Variants in RBM42 observed in about 807,000 individuals in gnomAD.
The protein encoded by RBM42 is RNA binding motif protein 42.
Under a neutral mutation model 41.4 loss-of-function variants are expected in RBM42, and 21 were observed. That is an observed-to-expected ratio of 0.51 (90% CI 0.36 to 0.73). The LOEUF (loss-of-function observed/expected upper bound fraction) is 0.73. RBM42 is among the 30% of genes least tolerant of loss of function. The pLI is 0.00. For synonymous variants in RBM42, 272 were observed against 271.2 expected, an observed-to-expected ratio of 1.00 and a Z score of -0.03; for missense variants, 539 against 680.4, an observed-to-expected ratio of 0.79 and a Z score of 2.31.
intron 6 of RBM42, 88 bp downstream of exon 6, chr19:35,633,340 C>T: frequency 9.4e-7 from 1 of 1,069,014 alleles, no homozygotes; most frequent in South Asian, 1.5e-5. Flanking sequence ...CTGAGTTGGC[C>T]TCTCTCCTGA....
At chr19:35,634,458 A>C in intron 8 of RBM42, 85 bp downstream of exon 8, 12 of 950,034 alleles carry the variant, frequency 1.3e-5, no homozygotes, top group Non-Finnish European at 2.0e-5. Context: ...TGGGAGGGTG[A>C]ACCCTCTCAG....
At position 35,637,623 on chromosome 19, in the gene RBM42, C is replaced by A. The variant is rs914359806; in HGVS notation, c.*69C>A. 9 of 1,219,784 alleles carry A rather than the reference C, an allele frequency of 7.4e-6. No homozygotes were observed. The African/African-American group carries it at 9.1e-5, about 12-fold the overall frequency. The allele number at this position is 1,219,784 out of a possible 1,614,324, so 75.6% of individuals were successfully genotyped here. On this transcript the variant is annotated 3_prime_UTR_variant, in exon 10 of 10. Coordinates refer to ENST00000262633, the MANE Select transcript of RBM42 (RefSeq NM_024321.5). This position sits in a 1 kb window ranked among gnomAD's most constrained non-coding sequence, Gnocchi z 7.0. ...TCCTCCCTCAGTTCTCTTTGGAAAA[C>A]CCCCAGCTGTCCACCCATCCCCTGC...
In RBM42 at chr19:35,637,090, C is replaced by T. The variant is rs1274321001; in HGVS notation, c.1136-68C>T. On this transcript the variant is annotated intron_variant, in intron 8 of 9. Transcript: ENST00000262633. The surrounding 1 kb of genome is among the most constrained non-coding windows in gnomAD (Gnocchi z 7.0). ...CTAGATACCTCCGAAAAGGTGGGAT[C>T]GTTCAGACAAGGTAGACACTGGGCA... 2.8e-6 allele frequency: 4 copies of T among 1,425,400 alleles called. No individual in the cohort carries two copies. The highest frequency in any genetic ancestry group is 4.9e-5 in the East Asian group (2 of 40,436). The allele number at this position is 1,425,400 out of a possible 1,614,324, so 88.3% of individuals were successfully genotyped here. A position where few individuals can be genotyped will look rare whatever the true frequency, so the allele number is the denominator to read the frequency against.
rs774808683 is a variant in RBM42, at chr19:35,632,983, C to G, written c.490C>G (p.His164Asp). The G allele has an allele frequency of 6.2e-7, 1 of 1,610,312 alleles. No homozygotes were observed. Among genetic ancestry groups the G allele is most frequent in the Non-Finnish European group, 8.5e-7 (1 of 1,176,820 alleles). The change falls in exon 5 of 10, where the codon CAC (histidine) becomes GAC (aspartate). Residue 164 changes from histidine (H) to aspartate (D), a missense_variant. His to Asp is a moderately conservative substitution (Grantham distance 81). Transcript: ENST00000262633. ...TATCCTGCGTCCAGCCTTCGTCCCC[C>G]ACGTGCTACAGAGAGCAGGTGAGGG... ...APILRPAFVP[H>D]VLQRADSALS... is the part of the protein sequence containing the mutation.
intron 3 of RBM42, 43 bp downstream of exon 3, chr19:35,631,267 AG>A (rs768035153): frequency 6.2e-7 from 1 of 1,612,580 alleles, no homozygotes; most frequent in South Asian, 1.1e-5. Context: ...GCAATCAGGC[AG>A]GGTGGTAAAA....
intron 4 of RBM42, chr19:35,631,936 G>A (rs917785994): frequency 1.3e-5 from 2 of 154,886 alleles, no homozygotes; most frequent in Non-Finnish European, 2.9e-5. Context: ...CCTGCTCACT[G>A]TCACCCAGCT....
intron 6 of RBM42, 134 bp downstream of exon 6, chr19:35,633,386 CT>C: frequency 1.3e-6 from 1 of 788,626 alleles, no homozygotes; most frequent in South Asian, 1.7e-5. Flanking sequence ...CTGCCTTTGT[CT>C]CTGTCTCTTT....
chr19:35,630,130 A>G (rs1470569990), intron 2 of RBM42, among the ~76,000 whole-genome samples: 1 of 152,030 alleles, frequency 6.6e-6, no homozygotes, highest in Non-Finnish European at 1.5e-5. Flanking sequence ...CCTGGCCAAC[A>G]TGGTGAAACC....
At chr19:35,629,716 T>A (rs1420734297) in intron 2 of RBM42, 43 bp downstream of exon 2, 1 of 1,605,138 alleles carries the variant, frequency 6.2e-7, no homozygotes, top group East Asian at 2.2e-5. Flanking sequence ...ACACAATGCC[T>A]CGAACAGAGT....
At position 35,634,063 on chromosome 19, in the gene RBM42, G is replaced by C. The variant is rs543132642; in HGVS notation, c.1017+44G>C. The C allele has an allele frequency of 8.9e-6, 13 of 1,467,660 alleles. 1 individual carries two copies. In the African/African-American group the frequency reaches 1.3e-4, roughly 14 times the overall value. 90.9% of individuals were successfully genotyped at this position (1,467,660 alleles called of 1,614,324 possible). A position where few individuals can be genotyped will look rare whatever the true frequency, so the allele number is the denominator to read the frequency against. Reference sequence around the variant, plus strand: ...GGTGAAGGGACAGAAGGGACGGGGGGCAGACAGGAGCCCAGGAACTTCCAC... The same window carrying C: ...GGTGAAGGGACAGAAGGGACGGGGGCCAGACAGGAGCCCAGGAACTTCCAC... On this transcript the variant is annotated intron_variant, in intron 7 of 9. Coordinates refer to ENST00000262633, the MANE Select transcript of RBM42 (RefSeq NM_024321.5).
At chr19:35,630,749 G>A (rs749797303) in intron 2 of RBM42, among the ~76,000 whole-genome samples, 3 of 152,220 alleles carry the variant, frequency 2.0e-5, no homozygotes, top group Non-Finnish European at 4.4e-5. Context: ...CTGGACAATA[G>A]AGCGAGACTC....
intron 8 of RBM42, among the ~76,000 whole-genome samples, chr19:35,635,965 T>G (rs2146353600): frequency 6.6e-6 from 1 of 152,258 alleles, no homozygotes; most frequent in South Asian, 2.1e-4. Flanking sequence ...TAACTTGTGC[T>G]TAGAGTGTCC....
At chr19:35,632,627 T>C (rs942901789) in intron 4 of RBM42, among the ~76,000 whole-genome samples, 1 of 151,994 alleles carries the variant, frequency 6.6e-6, no homozygotes, top group Non-Finnish European at 1.5e-5. Flanking sequence ...TGGTCCCCAC[T>C]GGCTCTCCTT....
At chr19:35,632,256 C>T (rs1182245964) in intron 4 of RBM42, among the ~76,000 whole-genome samples, 1 of 152,138 alleles carries the variant, frequency 6.6e-6, no homozygotes, top group Non-Finnish European at 1.5e-5. Flanking sequence ...CAGCTTCCAA[C>T]CCTGCTGTGG....
At chr19:35,629,998 AAG>A (rs994803648) in intron 2 of RBM42, among the ~76,000 whole-genome samples, 4 of 152,188 alleles carry the variant, frequency 2.6e-5, no homozygotes, top group Admixed American at 6.5e-5. Context: ...CTAGTAGAGA[AAG>A]AGAGAGAAAT....
chr19:35,629,100 AGCG>A lies in RBM42; in HGVS notation c.-45_-43del. On this transcript the variant is annotated 5_prime_UTR_variant, in exon 1 of 10. Coordinates refer to ENST00000262633, the MANE Select transcript of RBM42 (RefSeq NM_024321.5). ...AAGGGGGAGAGTAGACAGCAGAACC[AGCG>A]GCGGCGGCTAAGCAGAGACTGTAGT... 6 of 1,481,432 alleles carry A rather than the reference AGCG, an allele frequency of 4.1e-6. No individual in the cohort carries two copies. Among genetic ancestry groups the A allele is most frequent in the Non-Finnish European group, 3.6e-6 (4 of 1,119,904 alleles). 91.8% of individuals were successfully genotyped at this position (1,481,432 alleles called of 1,614,324 possible).
At chr19:35,636,933 C>T (rs892867530) in intron 8 of RBM42, among the ~76,000 whole-genome samples, 1 of 152,038 alleles carries the variant, frequency 6.6e-6, no homozygotes, top group Admixed American at 6.6e-5. Context: ...GTGACTTCAC[C>T]TCTCTGTGCC....
rs922191421 is a variant in RBM42, at chr19:35,629,444, G to T, written c.129-76G>T. The T allele has an allele frequency of 8.2e-6, 13 of 1,580,984 alleles. 1 individual carries two copies. The highest frequency in any genetic ancestry group is 2.3e-5 in the South Asian group (2 of 86,946). ...TAGGGGAGAGGTTGGCAGGGGTGAG[G>T]GTCCCCTCGCGATATACCCACAGTT... On this transcript the variant is annotated intron_variant, in intron 1 of 9. Coordinates refer to ENST00000262633, the MANE Select transcript of RBM42 (RefSeq NM_024321.5).
intron 8 of RBM42, among the ~76,000 whole-genome samples, chr19:35,636,435 C>T (rs899013383): frequency 1.3e-5 from 2 of 152,218 alleles, no homozygotes; most frequent in African/African-American, 4.8e-5. Context: ...GCTGGGATCA[C>T]AGGCGTGAGC....
Sources: gnomAD v4.1 joint callset for allele counts (sites outside exome capture counted in the v4.1 genomes callset) on GRCh38, gnomAD v4.1.1 for gene constraint, Gnocchi (gnomAD v3.1) non-coding constraint, MANE v1.5 for transcripts, NCBI Gene and HGNC (gene_info 2026-07-23, HGNC 2026-07-21) for gene names.